Variants in DPYD observed in about 807,000 individuals in gnomAD.
DPYD encodes dihydropyrimidine dehydrogenase, also known as dihydropyrimidine dehydrogenase [NADP(+)].
In DPYD, 109 loss-of-function variants were observed where a neutral mutation model predicts 116.2. The observed-to-expected ratio is 0.94, with a 90% CI of 0.80 to 1.10. The LOEUF (loss-of-function observed/expected upper bound fraction) is 1.10. Among genes scored for constraint, DPYD ranks in the 50% least tolerant of loss-of-function variants. The pLI is 0.00. For missense variants in DPYD, 1,302 were observed against 1,254.5 expected, an observed-to-expected ratio of 1.04 and a Z score of -0.57; for synonymous variants, 440 against 432.0, an observed-to-expected ratio of 1.02 and a Z score of -0.23.
intron 18 of DPYD, among the ~76,000 whole-genome samples, chr1:97,292,047 G>A (rs1367738044): frequency 6.6e-6 from 1 of 151,810 alleles, no homozygotes; most frequent in Non-Finnish European, 1.5e-5. Flanking sequence ...TTCAAAGTGG[G>A]GACTAAAGTT....
At chr1:97,472,285 T>C (rs1677708086) in intron 13 of DPYD, among the ~76,000 whole-genome samples, 1 of 152,226 alleles carries the variant, frequency 6.6e-6, no homozygotes. Context: ...AGACACCTAC[T>C]GGATTAACTA....
intron 19 of DPYD, among the ~76,000 whole-genome samples, chr1:97,201,285 G>A (rs1006319530): frequency 2.0e-5 from 3 of 151,778 alleles, no homozygotes; most frequent in South Asian, 2.1e-4. Context: ...TCCTGTTTTC[G>A]GATGTTATGC....
At chr1:97,186,608 G>A (rs1658007946) in intron 20 of DPYD, among the ~76,000 whole-genome samples, 1 of 152,158 alleles carries the variant, frequency 6.6e-6, no homozygotes, top group Admixed American at 6.5e-5. Flanking sequence ...CAGAACTCTG[G>A]GAGGCTGAGG....
chr1:97,485,324 C>A (rs1436646797), intron 13 of DPYD, among the ~76,000 whole-genome samples: 3 of 152,152 alleles, frequency 2.0e-5, no homozygotes, highest in Admixed American at 2.0e-4. Context: ...GCCTCAGCCT[C>A]CAGAGTAGCT....
intron 18 of DPYD, among the ~76,000 whole-genome samples, chr1:97,279,362 A>G (rs1021761405): frequency 2.6e-5 from 4 of 152,278 alleles, no homozygotes; most frequent in Non-Finnish European, 5.9e-5. Context: ...ACTGGAGAGC[A>G]CAGTTCAAGC....
chr1:97,373,516 T>C, intron 16 of DPYD, 45 bp downstream of exon 16: 1 of 1,538,096 alleles, frequency 6.5e-7, no homozygotes, highest in South Asian at 1.1e-5. Context: ...CGGGGGCCTG[T>C]TATGTCACAC....
intron 3 of DPYD, among the ~76,000 whole-genome samples, chr1:97,821,244 T>C (rs1668910501): frequency 6.8e-6 from 1 of 147,660 alleles, no homozygotes; most frequent in South Asian, 2.1e-4. Context: ...GGCAGGAGAA[T>C]CTCTTCAACC....
intron 10 of DPYD, among the ~76,000 whole-genome samples, chr1:97,578,269 C>T (rs901515972): frequency 2.0e-5 from 3 of 152,038 alleles, no homozygotes. Context: ...ACATATAATG[C>T]TTTACCTGTA....
chr1:97,540,603 T>C (rs893569014), intron 12 of DPYD, among the ~76,000 whole-genome samples: 4 of 152,166 alleles, frequency 2.6e-5, no homozygotes, highest in Admixed American at 1.3e-4. Flanking sequence ...TATTTGTCTA[T>C]TGGCAAGTTC....
chr1:97,245,231 G>T (rs1043220881), intron 18 of DPYD, among the ~76,000 whole-genome samples: 3 of 152,060 alleles, frequency 2.0e-5, no homozygotes, highest in Admixed American at 2.0e-4. Flanking sequence ...ATGTAAGAAA[G>T]GCAGGGCCGT....
intron 18 of DPYD, among the ~76,000 whole-genome samples, chr1:97,291,436 C>A (rs1224225496): frequency 3.3e-5 from 5 of 151,546 alleles, no homozygotes; most frequent in Admixed American, 6.6e-5. Flanking sequence ...TGGAACCAAC[C>A]CAAATGTCCA....
At chr1:97,101,126 C>T (rs1435142900) in intron 20 of DPYD, among the ~76,000 whole-genome samples, 1 of 151,344 alleles carries the variant, frequency 6.6e-6, no homozygotes, top group African/African-American at 2.4e-5. Context: ...ATATCAGTGA[C>T]TGCTCCTTCC....
At position 97,716,732 on chromosome 1, in the gene DPYD, T is replaced by G. The variant is rs1571239015; in HGVS notation, c.483+4778A>C. ...GAAAGTTTCTAAACTTCAACATTCA[T>G]TTGAGAATTCCACATTCTTTGTACA... On this transcript the variant is annotated intron_variant, in intron 5 of 22. Transcript: ENST00000370192. 2.0e-5 allele frequency among the ~76,000 whole-genome samples: 3 copies of G among 152,136 alleles called. 1 individual carries two copies. The highest frequency in any genetic ancestry group is 2.0e-4 in the Admixed American group (3 of 15,242).
chr1:97,482,408 G>C (rs1043783036), intron 13 of DPYD, among the ~76,000 whole-genome samples: 6 of 152,016 alleles, frequency 3.9e-5, no homozygotes, highest in Non-Finnish European at 7.4e-5. Flanking sequence ...TATAAGTATT[G>C]ACTGACATCA....
At position 97,907,410 on chromosome 1, in the gene DPYD, T is replaced by G. The variant is rs184572771; in HGVS notation, c.39+13474A>C. Among the ~76,000 whole-genome samples the G allele has an allele frequency of 1.5e-3, 228 of 152,240 alleles. 1 individual carries two copies. Among genetic ancestry groups the G allele is most frequent in the Non-Finnish European group, 1.3e-3 (91 of 67,994 alleles). On this transcript the variant is annotated intron_variant, in intron 1 of 22. Transcript: ENST00000370192. The stretch of plus-strand genomic sequence containing the variant: ...GCTTACATTTGCATTTGTTCTTAAC[T>G]TATTTCTTCCAAACAACAACATTAT...
chr1:97,546,093 G>C lies in DPYD; in HGVS notation c.1524+3467C>G, dbSNP rs1650835994. 2.1e-6 allele frequency: 3 copies of C among 1,419,524 alleles called. No homozygotes were observed. The East Asian group carries it at 6.8e-5, about 32-fold the overall frequency. 87.9% of individuals were successfully genotyped at this position (1,419,524 alleles called of 1,614,324 possible). On this transcript the variant is annotated intron_variant, in intron 12 of 22. Transcript: ENST00000370192. ...AGTAGGATCCTTAGTTACAGTGCTG[G>C]TTAAGTTGACAAGGCAAACAATGGC...
At chr1:97,231,953 A>C (rs1163123666) in intron 19 of DPYD, among the ~76,000 whole-genome samples, 1 of 152,174 alleles carries the variant, frequency 6.6e-6, no homozygotes, top group African/African-American at 2.4e-5. Context: ...AATTCAGGTG[A>C]TACTCAAGCC....
intron 4 of DPYD, among the ~76,000 whole-genome samples, chr1:97,737,038 T>C (rs1663995709): frequency 6.6e-6 from 1 of 152,132 alleles, no homozygotes; most frequent in African/African-American, 2.4e-5. Flanking sequence ...TGCCCAACTC[T>C]CCAAACCGAG....
At chr1:97,403,819 T>C (rs1673503828) in intron 14 of DPYD, among the ~76,000 whole-genome samples, 1 of 152,042 alleles carries the variant, frequency 6.6e-6, no homozygotes, top group African/African-American at 2.4e-5. Context: ...TTATTATTCA[T>C]TTTGTTCTGC....
Sources: allele counts gnomAD v4.1 joint callset (sites outside exome capture counted in the v4.1 genomes callset), GRCh38; gene constraint gnomAD v4.1.1; transcripts MANE v1.5; gene names NCBI Gene and HGNC (gene_info 2026-07-23, HGNC 2026-07-21).